CERS3: variants seen among roughly 807,000 people sequenced by gnomAD.
CERS3 encodes the protein LAG1 homolog, ceramide synthase 3.
In CERS3, 33 loss-of-function variants were observed where a neutral mutation model predicts 50.3. That is an observed-to-expected ratio of 0.66 (90% confidence interval 0.50 to 0.88). The LOEUF (loss-of-function observed/expected upper bound fraction) is 0.88. Ranked by LOEUF, CERS3 falls within the 40% of genes least tolerant of loss-of-function variation. The pLI is 0.00. For synonymous variants in CERS3, 176 were observed against 155.2 expected (o/e 1.13, Z -0.99); for missense variants, 470 against 460.3 (o/e 1.02, Z -0.19).
chr15:100,435,735 T>G (rs1179376418), intron 11 of CERS3, among the ~76,000 whole-genome samples: 2 of 151,952 alleles, frequency 1.3e-5, no homozygotes, highest in Non-Finnish European at 2.9e-5. Context: ...CTGACAAAGG[T>G]CTAATATCCA....
At chr15:100,410,829 A>T (rs2142057397) in intron 11 of CERS3, among the ~76,000 whole-genome samples, 1 of 152,286 alleles carries the variant, frequency 6.6e-6, no homozygotes, top group Non-Finnish European at 1.5e-5. Flanking sequence ...TGCACATAAG[A>T]TTTACTATGT....
chr15:100,444,887 AC>A (rs1201053586), intron 11 of CERS3, among the ~76,000 whole-genome samples: 2 of 152,100 alleles, frequency 1.3e-5, no homozygotes, highest in African/African-American at 4.8e-5. Flanking sequence ...TGGCCTTCCC[AC>A]CTCTATATAG....
At chr15:100,491,054 G>GTATAT (rs2035635109) in intron 3 of CERS3, 123 bp from the exon 4 acceptor site, 1 of 635,766 alleles carries the variant, frequency 1.6e-6, no homozygotes, top group African/African-American at 1.9e-5. Flanking sequence ...GTTGACACTG[G>GTATAT]GGCTACGTAC....
intron 1 of CERS3, among the ~76,000 whole-genome samples, chr15:100,535,763 A>G (rs1294097124): frequency 4.0e-3 from 378 of 93,478 alleles, no homozygotes; most frequent in Middle Eastern, 0.02. Context: ...GGACATCCCT[A>G]TGTTCATATG....
chr15:100,499,174 C>T (rs2035923811), intron 3 of CERS3, among the ~76,000 whole-genome samples: 2 of 152,160 alleles, frequency 1.3e-5, no homozygotes, highest in African/African-American at 4.8e-5. Context: ...ATTTTACCAC[C>T]TGCACCCCTG....
chr15:100,530,473 A>T (rs1052756718), upstream of CERS3, among the ~76,000 whole-genome samples: 5 of 152,210 alleles, frequency 3.3e-5, no homozygotes, highest in African/African-American at 1.2e-4. Flanking sequence ...GCCTAATGAA[A>T]GTCTGAATCC....
chr15:100,525,599 G>A (rs1468494724), intron 1 of CERS3, among the ~76,000 whole-genome samples: 2 of 152,192 alleles, frequency 1.3e-5, no homozygotes, highest in Admixed American at 1.3e-4. Context: ...AGAAAGCCCT[G>A]TGGAGAATTG....
chr15:100,468,924 C>T (rs1047618489), intron 10 of CERS3, among the ~76,000 whole-genome samples: 2 of 152,148 alleles, frequency 1.3e-5, no homozygotes, highest in African/African-American at 4.8e-5. Flanking sequence ...TGATAATACT[C>T]ATCCTTATGA....
chr15:100,495,674 A>G (rs2035789603), intron 3 of CERS3, among the ~76,000 whole-genome samples: 1 of 152,154 alleles, frequency 6.6e-6, no homozygotes, highest in Non-Finnish European at 1.5e-5. Context: ...TATATTCTGA[A>G]TTTAAGTCCT....
intron 2 of CERS3, among the ~76,000 whole-genome samples, chr15:100,520,056 T>C (rs2036598872): frequency 6.6e-6 from 1 of 152,150 alleles, no homozygotes; most frequent in Non-Finnish European, 1.5e-5. Context: ...TCAAGGATCC[T>C]AGAATTCCCT....
At chr15:100,487,595 AG>A (rs1466324369) in intron 4 of CERS3, among the ~76,000 whole-genome samples, 1 of 152,196 alleles carries the variant, frequency 6.6e-6, no homozygotes, top group Non-Finnish European at 1.5e-5. Context: ...CATGCAGGAA[AG>A]GTCTCTCTCA....
At chr15:100,445,379 CACTCTTA>C (rs1482525937) in intron 11 of CERS3, among the ~76,000 whole-genome samples, 1 of 151,786 alleles carries the variant, frequency 6.6e-6, no homozygotes, top group African/African-American at 2.4e-5. Context: ...CCCAAACCGC[CACTCTTA>C]ACTCTTAAAG....
At chr15:100,485,840 G>A (rs2035467899) in intron 4 of CERS3, among the ~76,000 whole-genome samples, 1 of 152,066 alleles carries the variant, frequency 6.6e-6, no homozygotes, top group Admixed American at 6.6e-5. Context: ...CTCCAGCCTG[G>A]GCGACAGAGA....
chr15:100,482,283 G>A (rs2035327739), intron 5 of CERS3, among the ~76,000 whole-genome samples: 1 of 152,174 alleles, frequency 6.6e-6, no homozygotes, highest in Admixed American at 6.5e-5. Context: ...AAGCCATTCA[G>A]AAACGAATTG....
chr15:100,469,343 T>G (rs1250148325), intron 10 of CERS3, 35 bp downstream of exon 10: 4 of 1,553,330 alleles, frequency 2.6e-6, no homozygotes, highest in Non-Finnish European at 3.6e-6. Flanking sequence ...CTCTGCACAC[T>G]GACCAAAGGC....
rs55640205 is a variant in CERS3, at chr15:100,504,239, CT to C, written c.-1-2390del. Among the ~76,000 whole-genome samples the C allele has an allele frequency of 4.0e-3, 442 of 109,896 alleles. 3 individuals are homozygous for C. Among genetic ancestry groups the C allele is most frequent in the Admixed American group, 0.03 (309 of 10,268 alleles). 72.1% of individuals were successfully genotyped at this position (109,896 alleles called of 152,430 possible). A position where few individuals can be genotyped will look rare whatever the true frequency, so the allele number is the denominator to read the frequency against. On this transcript the variant is annotated intron_variant, in intron 2 of 11. Coordinates refer to ENST00000679737, the MANE Select transcript of CERS3 (RefSeq NM_001378789.1). ...AAGGCTGCCTTTTCCTTGGACTATT[CT>C]TTTTTTTTTTTTTTTTTTTTGAGAT...
intron 1 of CERS3, among the ~76,000 whole-genome samples, chr15:100,538,537 G>A (rs1167201815): frequency 2.0e-5 from 3 of 152,174 alleles, no homozygotes; most frequent in Admixed American, 6.5e-5. Context: ...CAAGACTTTG[G>A]GCTTGCACCC....
At chr15:100,544,454 G>GCCTTGACCTCCGCGGGGACACGGGC (rs1347997768) in intron 1 of CERS3, 1 of 141,186 alleles carries the variant, frequency 7.1e-6, no homozygotes, top group South Asian at 2.0e-4. Context: ...CCCTCTCTCG[G>GCCTTGACCTCCGCGGGGACACGGGC]CCTAGGTCTG....
At chr15:100,408,167 C>T (rs1023976594) in intron 11 of CERS3, among the ~76,000 whole-genome samples, 7 of 152,212 alleles carry the variant, frequency 4.6e-5, no homozygotes, top group South Asian at 2.1e-4. Context: ...CCACCACACT[C>T]GGCCAATTTT....
Sources: gnomAD v4.1 joint callset for allele counts (sites outside exome capture counted in the v4.1 genomes callset) on GRCh38, gnomAD v4.1.1 for gene constraint, MANE v1.5 for transcripts, NCBI Gene and HGNC (gene_info 2026-07-23, HGNC 2026-07-21) for gene names.